Variants in VTI1A observed in about 807,000 individuals in gnomAD.
The protein encoded by VTI1A is vesicle transport through interaction with t-SNAREs homolog 1A.
A neutral mutation model predicts 34.9 loss-of-function variants in VTI1A; 22 were observed. That is an observed-to-expected ratio of 0.63 (90% confidence interval 0.45 to 0.90). The LOEUF (loss-of-function observed/expected upper bound fraction) is 0.90, where lower values mean the gene tolerates loss of function less well. VTI1A is among the 40% of genes least tolerant of loss of function. The probability of loss-of-function intolerance (pLI) is 0.00; values close to 1 mark genes in which losing one functional copy is unlikely to be tolerated. For missense variants in VTI1A, 268 were observed against 275.6 expected (o/e 0.97, Z 0.20); for synonymous variants, 87 against 97.3 (o/e 0.89, Z 0.62).
At chr10:112,532,017 A>C (rs1850463927) in intron 4 of VTI1A, among the ~76,000 whole-genome samples, 1 of 152,226 alleles carries the variant, frequency 6.6e-6, no homozygotes, top group Non-Finnish European at 1.5e-5. Context: ...TTTTGAAACG[A>C]TGATAATAAA....
intron 5 of VTI1A, among the ~76,000 whole-genome samples, chr10:112,567,290 A>G (rs1589913651): frequency 6.6e-6 from 1 of 152,088 alleles, no homozygotes. Flanking sequence ...AAGCCTCCCA[A>G]AGTGCTGGGA....
intron 5 of VTI1A, among the ~76,000 whole-genome samples, chr10:112,664,263 G>A (rs1057060341): frequency 3.3e-5 from 5 of 152,068 alleles, no homozygotes; most frequent in African/African-American, 1.2e-4. Context: ...GACATTTCCT[G>A]GTGAATTAGA....
chr10:112,682,254 T>C (rs1002421892), intron 7 of VTI1A, among the ~76,000 whole-genome samples: 4 of 152,190 alleles, frequency 2.6e-5, no homozygotes, highest in African/African-American at 9.6e-5. Flanking sequence ...GCTTTTCAAA[T>C]ATACAGTTTT....
intron 3 of VTI1A, among the ~76,000 whole-genome samples, chr10:112,474,456 TC>T (rs201391990): frequency 6.0e-5 from 9 of 151,074 alleles, no homozygotes; most frequent in Admixed American, 2.0e-4. Flanking sequence ...CTTCATTCTT[TC>T]CTTTTTTTTT....
At chr10:112,543,965 G>T (rs1164628171) in intron 5 of VTI1A, among the ~76,000 whole-genome samples, 3 of 152,088 alleles carry the variant, frequency 2.0e-5, no homozygotes, top group African/African-American at 4.8e-5. Flanking sequence ...TTTTTGTCAG[G>T]TTTCTCAAAG....
chr10:112,537,555 A>G (rs540970454), intron 4 of VTI1A, among the ~76,000 whole-genome samples: 31 of 152,088 alleles, frequency 2.0e-4, no homozygotes, highest in Middle Eastern at 3.4e-3. Flanking sequence ...CTGTAAATTT[A>G]GTTCACAGTC....
At chr10:112,800,886 T>G (rs568194169) in intron 7 of VTI1A, among the ~76,000 whole-genome samples, 22 of 152,324 alleles carry the variant, frequency 1.4e-4, no homozygotes, top group African/African-American at 5.3e-4. Flanking sequence ...GGATGTAATC[T>G]CAGAGAAGGA....
chr10:112,654,850 C>T (rs1296962173), intron 5 of VTI1A, among the ~76,000 whole-genome samples: 1 of 152,200 alleles, frequency 6.6e-6, no homozygotes, highest in Non-Finnish European at 1.5e-5. Context: ...GTTTCCACCT[C>T]TCAAAATGTC....
intron 7 of VTI1A, among the ~76,000 whole-genome samples, chr10:112,760,756 G>T (rs7073675): frequency 0.12 from 17,595 of 151,966 alleles, 1,633 homozygotes; most frequent in East Asian, 0.26. Flanking sequence ...GGGCATGGTG[G>T]TGTGCGCCTG....
intron 5 of VTI1A, among the ~76,000 whole-genome samples, chr10:112,570,401 C>T (rs12250914): frequency 0.11 from 17,190 of 152,044 alleles, 1,601 homozygotes; most frequent in East Asian, 0.27. Context: ...CTAATATTGG[C>T]ATTCTAGTAG....
downstream of VTI1A, among the ~76,000 whole-genome samples, chr10:112,822,858 G>T (rs564373288): frequency 1.3e-5 from 2 of 152,112 alleles, no homozygotes; most frequent in Non-Finnish European, 2.9e-5. Context: ...TATTTATTGA[G>T]CATCTACTAT....
intron 7 of VTI1A, among the ~76,000 whole-genome samples, chr10:112,772,279 T>C (rs929610351): frequency 1.3e-5 from 2 of 152,250 alleles, no homozygotes; most frequent in Admixed American, 6.5e-5. Context: ...ATTGTGGTTT[T>C]GATTTGCATT....
Position 112,594,070 on chromosome 10 carries a change from C to T in VTI1A, c.427+55740C>T, listed in dbSNP as rs1245206598. ...GACTACAGGAGCCTGCCACCATGCC[C>T]GGCTAATTTTTTTTGTATTTTTAGT... is the stretch of plus-strand genomic sequence containing the variant. On this transcript the variant is annotated intron_variant, in intron 5 of 7. Coordinates refer to ENST00000393077, the MANE Select transcript of VTI1A (RefSeq NM_145206.4). Among the ~76,000 whole-genome samples the T allele has an allele frequency of 2.0e-5, 3 of 152,258 alleles. 1 individual carries two copies. In the South Asian group the frequency reaches 6.2e-4, roughly 32 times the overall value.
At chr10:112,625,123 A>G (rs1845872908) in intron 5 of VTI1A, among the ~76,000 whole-genome samples, 1 of 152,188 alleles carries the variant, frequency 6.6e-6, no homozygotes, top group Non-Finnish European at 1.5e-5. Context: ...GTATTTTGTA[A>G]TAAAGTAAGC....
At chr10:112,710,854 GAAT>G (rs1323878485) in intron 7 of VTI1A, among the ~76,000 whole-genome samples, 7 of 151,964 alleles carry the variant, frequency 4.6e-5, no homozygotes, top group Non-Finnish European at 7.4e-5. Context: ...TTCACTTTTA[GAAT>G]AATATTACAT....
At chr10:112,721,128 C>T (rs998095522) in intron 7 of VTI1A, among the ~76,000 whole-genome samples, 1 of 152,102 alleles carries the variant, frequency 6.6e-6, no homozygotes, top group Non-Finnish European at 1.5e-5. Flanking sequence ...TTCAATGGCA[C>T]CTACATAGTG....
At chr10:112,572,842 CAAAAAAAAA>C (rs35922968) in intron 5 of VTI1A, among the ~76,000 whole-genome samples, 2 of 131,910 alleles carry the variant, frequency 1.5e-5, no homozygotes, top group African/African-American at 5.7e-5. Flanking sequence ...CCGTCTCAAC[CAAAAAAAAA>C]AAAAAAAAGA....
intron 5 of VTI1A, among the ~76,000 whole-genome samples, chr10:112,599,514 A>C (rs940446307): frequency 6.6e-6 from 1 of 152,220 alleles, no homozygotes; most frequent in African/African-American, 2.4e-5. Context: ...TAAGCGCTGA[A>C]GGAGAAGGCC....
intron 3 of VTI1A, among the ~76,000 whole-genome samples, chr10:112,525,303 T>C (rs550077239): frequency 1.3e-5 from 2 of 152,328 alleles, no homozygotes; most frequent in Non-Finnish European, 2.9e-5. Flanking sequence ...GTATAAGATA[T>C]GCATTTGTGC....
Sources: gnomAD v4.1 joint callset for allele counts (sites outside exome capture counted in the v4.1 genomes callset) on GRCh38, gnomAD v4.1.1 for gene constraint, MANE v1.5 for transcripts, NCBI Gene and HGNC (gene_info 2026-07-23, HGNC 2026-07-21) for gene names.